IGSF11: variants seen among roughly 807,000 people sequenced by gnomAD.
IGSF11 encodes immunoglobulin superfamily member 11, also known as CXADR like 1.
In IGSF11, 22 loss-of-function variants were observed where a neutral mutation model predicts 41.0. The ratio of observed to expected loss-of-function variants is 0.54; its 90% CI spans 0.38 to 0.77. The LOEUF (loss-of-function observed/expected upper bound fraction) is 0.77. Ranked by LOEUF, IGSF11 falls within the 30% of genes least tolerant of loss-of-function variation. IGSF11 has a pLI of 0.00. For missense variants in IGSF11, 444 were observed against 530.8 expected, an observed-to-expected ratio of 0.84 and a Z score of 1.61; for synonymous variants, 219 against 201.3, an observed-to-expected ratio of 1.09 and a Z score of -0.74.
chr3:118,906,384 G>A (rs899412521), intron 4 of IGSF11, among the ~76,000 whole-genome samples: 1 of 152,152 alleles, frequency 6.6e-6, no homozygotes, highest in Non-Finnish European at 1.5e-5. Flanking sequence ...GTCTCAGGCT[G>A]CAACACAGTT....
chr3:119,126,000 G>A (rs1324008868), intron 1 of IGSF11, among the ~76,000 whole-genome samples: 1 of 152,250 alleles, frequency 6.6e-6, no homozygotes, highest in African/African-American at 2.4e-5. Context: ...ATCTGCTTAA[G>A]CCTACCAAAC....
chr3:119,145,365 C>G (rs141965062), intron 1 of IGSF11, among the ~76,000 whole-genome samples: 284 of 152,314 alleles, frequency 1.9e-3, no homozygotes, highest in Non-Finnish European at 2.9e-3. Context: ...CTCTGAGGTG[C>G]ATTCTTAAGG....
chr3:119,130,021 G>A (rs890042234), intron 1 of IGSF11, among the ~76,000 whole-genome samples: 1 of 152,022 alleles, frequency 6.6e-6, no homozygotes. Context: ...ATTAAAGCAA[G>A]AAATTAAATC....
chr3:119,119,855 G>T (rs868754054), intron 1 of IGSF11, among the ~76,000 whole-genome samples: 4 of 152,274 alleles, frequency 2.6e-5, no homozygotes, highest in Middle Eastern at 3.4e-3. Context: ...GTTAGTTGGG[G>T]CAAAGAAGAG....
At chr3:118,957,163 G>GT (rs1366453588) in intron 1 of IGSF11, among the ~76,000 whole-genome samples, 1 of 152,126 alleles carries the variant, frequency 6.6e-6, no homozygotes, top group Non-Finnish European at 1.5e-5. Context: ...AACTCAGACA[G>GT]TAAGGCAAGA....
chr3:118,959,868 A>C (rs1273692983), intron 1 of IGSF11, among the ~76,000 whole-genome samples: 1 of 151,986 alleles, frequency 6.6e-6, no homozygotes, highest in Non-Finnish European at 1.5e-5. Context: ...TAAAATGGTG[A>C]AACCCCGCCT....
chr3:118,987,969 T>A (rs1481284274), intron 1 of IGSF11, among the ~76,000 whole-genome samples: 1 of 152,228 alleles, frequency 6.6e-6, no homozygotes, highest in Non-Finnish European at 1.5e-5. Flanking sequence ...TTCTGTAATA[T>A]ATTAATTGGA....
intron 1 of IGSF11, among the ~76,000 whole-genome samples, chr3:118,988,475 T>G (rs1194370378): frequency 1.3e-5 from 2 of 152,146 alleles, no homozygotes; most frequent in Admixed American, 1.3e-4. Context: ...GCAGAACACT[T>G]TTCCAAAATC....
At chr3:119,004,312 C>T (rs1355121978) in intron 1 of IGSF11, among the ~76,000 whole-genome samples, 1 of 150,654 alleles carries the variant, frequency 6.6e-6, no homozygotes, top group African/African-American at 2.5e-5. Flanking sequence ...TGGTGATACC[C>T]CTTTATCATT....
chr3:119,128,486 G>A (rs759629942), intron 1 of IGSF11, among the ~76,000 whole-genome samples: 4 of 152,130 alleles, frequency 2.6e-5, no homozygotes, highest in Non-Finnish European at 4.4e-5. Flanking sequence ...ACCCATTGGC[G>A]TGCTGTATTC....
chr3:118,919,828 T>C (rs201486296), intron 4 of IGSF11, among the ~76,000 whole-genome samples: 3,811 of 75,738 alleles, frequency 0.05, 97 homozygotes, highest in Middle Eastern at 0.11. Flanking sequence ...TATTGCGGCA[T>C]TATTCACAAT....
At position 118,902,466 on chromosome 3, in the gene IGSF11, CTTGTATGAGGGCATT is replaced by C; in HGVS notation, c.*39_*53del. Reference sequence around the variant, plus strand: ...CAGCACTCCCCACCCCACCCTCCCCCTTGTATGAGGGCATTCCATTTATTCATTTCTGAACACAAC... The same window carrying C: ...CAGCACTCCCCACCCCACCCTCCCCCCCATTTATTCATTTCTGAACACAAC... On this transcript the variant is annotated 3_prime_UTR_variant, in exon 7 of 7. Coordinates refer to ENST00000393775, the MANE Select transcript of IGSF11 (RefSeq NM_001015887.3). The C allele has an allele frequency of 9.1e-6, 8 of 878,184 alleles. No homozygotes were observed. The highest frequency in any genetic ancestry group is 1.7e-5 in the African/African-American group (1 of 60,496). The allele number at this position is 878,184 out of a possible 1,614,324, so 54.4% of individuals were successfully genotyped here.
chr3:118,993,460 A>G (rs1490861935), intron 1 of IGSF11, among the ~76,000 whole-genome samples: 1 of 152,198 alleles, frequency 6.6e-6, no homozygotes, highest in Non-Finnish European at 1.5e-5. Context: ...TGGCGATTAA[A>G]CAGAGTTGCC....
intron 1 of IGSF11, among the ~76,000 whole-genome samples, chr3:119,133,775 G>T (rs2077517676): frequency 6.6e-6 from 1 of 152,166 alleles, no homozygotes; most frequent in Non-Finnish European, 1.5e-5. Context: ...AACAAAAAGA[G>T]AATTTTAGAC....
At chr3:118,994,920 G>A (rs1392950942) in intron 1 of IGSF11, among the ~76,000 whole-genome samples, 1 of 152,152 alleles carries the variant, frequency 6.6e-6, no homozygotes, top group East Asian at 1.9e-4. Context: ...AGGGAAGAAC[G>A]TGGAGGAAGG....
At chr3:119,142,862 G>C (rs2077667959) in intron 1 of IGSF11, among the ~76,000 whole-genome samples, 1 of 152,032 alleles carries the variant, frequency 6.6e-6, no homozygotes. Context: ...CAAAAAAGAA[G>C]TGATTCCTCA....
At chr3:119,020,096 C>A (rs373100058) in intron 1 of IGSF11, among the ~76,000 whole-genome samples, 2 of 152,286 alleles carry the variant, frequency 1.3e-5, no homozygotes, top group East Asian at 3.9e-4. Flanking sequence ...GGCTTAGACT[C>A]CCCAGCCTCT....
At chr3:119,092,531 T>C (rs112231741) in intron 1 of IGSF11, among the ~76,000 whole-genome samples, 4,604 of 152,216 alleles carry the variant, frequency 0.03, 215 homozygotes, top group African/African-American at 0.1. Flanking sequence ...GGTTTCGCCA[T>C]GTTGGTCATG....
intron 4 of IGSF11, among the ~76,000 whole-genome samples, chr3:118,917,380 AAGAG>A (rs1460863040): frequency 1.3e-5 from 2 of 149,790 alleles, no homozygotes; most frequent in African/African-American, 5.0e-5. Context: ...TAAAGAAAAA[AAGAG>A]AGAAGAATCA....
Sources: gnomAD v4.1 joint callset for allele counts (sites outside exome capture counted in the v4.1 genomes callset) on GRCh38, gnomAD v4.1.1 for gene constraint, MANE v1.5 for transcripts, NCBI Gene and HGNC (gene_info 2026-07-23, HGNC 2026-07-21) for gene names.